The following TNXB variants were observed in gnomAD, a reference collection of about 807,000 sequenced individuals.
TNXB encodes the protein tenascin XB.
TNXB carries 183 observed loss-of-function variants against 340.5 expected under a neutral mutation model. The observed-to-expected ratio is 0.54, with a 90% CI of 0.48 to 0.61. TNXB has a LOEUF of 0.61. TNXB is among the 20% of genes least tolerant of loss of function. TNXB has a pLI of 0.00. For missense variants in TNXB, 4,613 were observed against 5,446.4 expected (o/e 0.85, Z 4.82); for synonymous variants, 2,121 against 2,314.5 (o/e 0.92, Z 2.40).
At position 32,089,347 on chromosome 6, in the gene TNXB, C is replaced by T. The variant is rs1248441762; in HGVS notation, c.2391G>A (p.Arg797=). Residue 797 remains arginine, a synonymous_variant, in exon 5 of 44, where the codon CGG becomes CGA. Transcript: ENST00000644971. This position sits in a 1 kb window ranked among gnomAD's most constrained non-coding sequence, Gnocchi z 6.2. The stretch of plus-strand genomic sequence containing the variant: ...CATAGGCTGAGGCAGAGCTTGGAAC[C>T]CGTGCTGTGAATGGGGGGCTCGCCC... ...TEGASPPFTA[R]VPSSASAYDQ... The T allele has an allele frequency of 6.2e-7, 1 of 1,608,352 alleles. No individual in the cohort carries two copies. The highest frequency in any genetic ancestry group is 1.7e-5 in the Admixed American group (1 of 59,892).
Position 32,084,419 on chromosome 6 carries a change from T to C in TNXB, c.3439A>G (p.Lys1147Glu). 6.3e-7 allele frequency: 1 copy of C among 1,587,358 alleles called. No individual in the cohort carries two copies. The highest frequency in any genetic ancestry group is 8.6e-7 in the Non-Finnish European group (1 of 1,163,668). The stretch of plus-strand genomic sequence containing the variant: ...TGTTACTGCTGTCACTCACAGATCT[T>C]GGCTTCAGCCACCAGCGGACCATGC... ...KRHGPLVAEA[K>E]ILPQSDPSPG... Residue 1147 changes from lysine to glutamate, a missense_variant, in exon 8 of 44, where the codon AAG (lysine) becomes GAG (glutamate). Lys to Glu is a moderately conservative substitution (Grantham distance 56). Coordinates refer to ENST00000644971, the MANE Select transcript of TNXB (RefSeq NM_001365276.2). This position sits in a 1 kb window ranked among gnomAD's most constrained non-coding sequence, Gnocchi z 5.5.
Position 32,047,892 on chromosome 6 carries a change from T to C in TNXB, c.10166A>G (p.Tyr3389Cys). 1 of 1,612,638 alleles carries C rather than the reference T, an allele frequency of 6.2e-7. No individual in the cohort carries two copies. The highest frequency in any genetic ancestry group is 8.5e-7 in the Non-Finnish European group (1 of 1,179,700). ...EGEFDSFVVQYKDKDGRLQVV... is the reference protein window; with the variant it reads ...EGEFDSFVVQCKDKDGRLQVV... ...CTGGAGCCGACCATCCTTATCCTTGTACTGGACCACGAAGGAGTCGAATTC... is the reference window on the plus strand; with the variant it reads ...CTGGAGCCGACCATCCTTATCCTTGCACTGGACCACGAAGGAGTCGAATTC... The change falls in exon 30 of 44, where the codon TAC becomes TGC. Residue 3389 changes from tyrosine to cysteine, a missense_variant. Physicochemically the swap from Tyr to Cys is radical, Grantham distance 194. This residue lies in a region of TNXB where 4,327 missense variants were observed against 4,859.4 expected (regional missense o/e 0.89). Coordinates refer to ENST00000644971, the MANE Select transcript of TNXB (RefSeq NM_001365276.2). The surrounding 1 kb of genome is among the most constrained non-coding windows in gnomAD (Gnocchi z 6.2).
In TNXB at chr6:32,071,970, T is replaced by C; in HGVS notation, c.4990+20A>G. On this transcript the variant is annotated intron_variant, in intron 13 of 43. Transcript: ENST00000644971. Reference sequence around the variant, plus strand: ...GGAAGGCTGTGGCCTCAGGCTCAGCTGTGTAGGGGCCCATCTCACCCGTCT... The same window carrying C: ...GGAAGGCTGTGGCCTCAGGCTCAGCCGTGTAGGGGCCCATCTCACCCGTCT... 1 of 1,570,300 alleles carries C rather than the reference T, an allele frequency of 6.4e-7. No homozygotes were observed.
At chr6:32,071,753 T>C (rs1464721207) in intron 13 of TNXB, among the ~76,000 whole-genome samples, 1 of 152,116 alleles carries the variant, frequency 6.6e-6, no homozygotes, top group East Asian at 1.9e-4. Flanking sequence ...ACCCAGCTAA[T>C]TTTTGTCTTT....
intron 24 of TNXB, among the ~76,000 whole-genome samples, chr6:32,055,576 A>G (rs1027780600): frequency 6.6e-6 from 1 of 152,116 alleles, no homozygotes. Context: ...TCTCTTCAAC[A>G]GATTTCAAAA....
chr6:32,069,271 A>C lies in TNXB; in HGVS notation c.5588-135T>G. 1 of 924,392 alleles carries C rather than the reference A, an allele frequency of 1.1e-6. No homozygotes were observed. The allele number at this position is 924,392 out of a possible 1,614,324, so 57.3% of individuals were successfully genotyped here. A position where few individuals can be genotyped will look rare whatever the true frequency, so the allele number is the denominator to read the frequency against. On this transcript the variant is annotated intron_variant, in intron 15 of 43. Coordinates refer to ENST00000644971, the MANE Select transcript of TNXB (RefSeq NM_001365276.2). The surrounding 1 kb of genome is among the most constrained non-coding windows in gnomAD (Gnocchi z 6.2). ...GACCAGCTTTTGCTGCACATGGGTG[A>C]ATTTCAAAAGCATTGTGCTAATTGC...
rs2127292917 is a variant in TNXB at position 32,097,138 on chromosome 6, A to T, written c.715T>A (p.Phe239Ile). The T allele has an allele frequency of 6.2e-7, 1 of 1,605,530 alleles. No individual in the cohort carries two copies. The highest frequency in any genetic ancestry group is 8.5e-7 in the Non-Finnish European group (1 of 1,176,416). ...CGCTGGCTGCAGTCGGGGCCTGAGA[A>T]GCCTGCCCGGCACACACACACGCCC... The part of the protein sequence containing the change: ...VQGVCVCRAG[F>I]SGPDCSQRSC... Residue 239 changes from phenylalanine (F) to isoleucine (I), a missense_variant, in exon 3 of 44, where the codon TTC becomes ATC. Phe to Ile is a conservative substitution (Grantham distance 21). Coordinates refer to ENST00000644971, the MANE Select transcript of TNXB (RefSeq NM_001365276.2). This position sits in a 1 kb window ranked among gnomAD's most constrained non-coding sequence, Gnocchi z 5.9.
rs1708363101 is a variant in TNXB, at chr6:32,055,981, C to A, written c.8337G>T (p.Val2779=). ...QYKDRDGRPQ[V]MRVRGEESEV... is the part of the protein sequence containing the mutation. ...CGCTCTCCTCGCCCCTGACACGCAT[C>A]ACCTGGGGCCGCCCGTCCCTGTCCT... Residue 2779 remains valine (V), a synonymous_variant, in exon 24 of 44, where the codon GTG becomes GTT. Transcript: ENST00000644971. The A allele has an allele frequency of 2.5e-6, 4 of 1,613,334 alleles. No individual in the cohort carries two copies. In the African/African-American group the frequency reaches 4.0e-5, roughly 16 times the overall value.
Position 32,049,870 on chromosome 6 carries a change from C to T in TNXB, c.9439+128G>A, listed in dbSNP as rs1777157735. 1.4e-6 allele frequency: 2 copies of T among 1,454,860 alleles called. No individual in the cohort carries two copies. The highest frequency in any genetic ancestry group is 9.4e-7 in the Non-Finnish European group (1 of 1,068,326). The allele number at this position is 1,454,860 out of a possible 1,614,324, so 90.1% of individuals were successfully genotyped here. ...CACATAGGAAGGCCCAAGGGGAGTCCCAGCCCCAGCCACAAGCAGTTCTGT... is the reference window on the plus strand; with the variant it reads ...CACATAGGAAGGCCCAAGGGGAGTCTCAGCCCCAGCCACAAGCAGTTCTGT... On this transcript the variant is annotated intron_variant, in intron 27 of 43. Transcript: ENST00000644971. The surrounding 1 kb of genome is among the most constrained non-coding windows in gnomAD (Gnocchi z 4.5).
At chr6:32,099,793 G>A (rs1386035084) in intron 1 of TNXB, among the ~76,000 whole-genome samples, 1 of 150,732 alleles carries the variant, frequency 6.6e-6, no homozygotes, top group Non-Finnish European at 1.5e-5. Flanking sequence ...TTATTTTAAA[G>A]GTGCAAGGAT....
At chr6:32,099,346 C>T (rs371766005) in intron 1 of TNXB, among the ~76,000 whole-genome samples, 1 of 151,830 alleles carries the variant, frequency 6.6e-6, no homozygotes, top group East Asian at 1.9e-4. Context: ...GATTTTCCTG[C>T]CTCGGCCTCC....
Position 32,056,119 on chromosome 6 carries a change from G to T in TNXB, c.8199C>A (p.Pro2733=). 6.2e-7 allele frequency: 1 copy of T among 1,612,672 alleles called. No homozygotes were observed. Among genetic ancestry groups the T allele is most frequent in the East Asian group, 2.2e-5 (1 of 44,884 alleles). Reference sequence around the variant, plus strand: ...GCTCCCCCAGGAGCGGCTCCTCAGGGGGCTCCGGGGCCTCAGTGCTGAGTT... The same window carrying T: ...GCTCCCCCAGGAGCGGCTCCTCAGGTGGCTCCGGGGCCTCAGTGCTGAGTT... ...PTELSTEAPE[P]PEEPLLGELT... is the part of the protein sequence containing the mutation. The change falls in exon 24 of 44, where the codon CCC becomes CCA. Residue 2733 remains proline, a synonymous_variant. Coordinates refer to ENST00000644971, the MANE Select transcript of TNXB (RefSeq NM_001365276.2).
Position 32,046,399 on chromosome 6 carries a change from G to A in TNXB, c.10382C>T (p.Thr3461Ile), listed in dbSNP as rs1776886478. 6.3e-7 allele frequency: 1 copy of A among 1,586,052 alleles called. No homozygotes were observed. Among genetic ancestry groups the A allele is most frequent in the Non-Finnish European group, 8.6e-7 (1 of 1,161,490 alleles). ...HLGELTVAEETSSSLRLSWTV... is the reference protein window; with the variant it reads ...HLGELTVAEEISSSLRLSWTV... Reference sequence around the variant, plus strand: ...CCAGGACAGGCGCAGAGAGCTGGAGGTCTCCTCAGCCACGGTCAGTTCCCC... The same window carrying A: ...CCAGGACAGGCGCAGAGAGCTGGAGATCTCCTCAGCCACGGTCAGTTCCCC... The change falls in exon 31 of 44, where the codon ACC becomes ATC. Residue 3461 changes from threonine to isoleucine, a missense_variant. Around this residue, in one of 7 missense-constraint regions of TNXB, gnomAD observed 4,327 missense variants for 4,859.4 expected, o/e 0.89. Transcript: ENST00000644971. The surrounding 1 kb of genome is among the most constrained non-coding windows in gnomAD (Gnocchi z 6.9).
chr6:32,066,393 CA>C (rs926866913), intron 18 of TNXB, among the ~76,000 whole-genome samples: 1 of 151,078 alleles, frequency 6.6e-6, no homozygotes, highest in African/African-American at 2.4e-5. Flanking sequence ...GAATTTGTCT[CA>C]AAAAAAATCA....
At position 32,047,891 on chromosome 6, in the gene TNXB, G is replaced by T; in HGVS notation, c.10167C>A (p.Tyr3389Ter). 6.2e-7 allele frequency: 1 copy of T among 1,612,684 alleles called. No homozygotes were observed. Among genetic ancestry groups the T allele is most frequent in the Non-Finnish European group, 8.5e-7 (1 of 1,179,716 alleles). ...EGEFDSFVVQYKDKDGRLQVV... is the reference protein window; with the variant it reads ...EGEFDSFVVQ ...CCTGGAGCCGACCATCCTTATCCTT[G>T]TACTGGACCACGAAGGAGTCGAATT... The change falls in exon 30 of 44, where the codon TAC (tyrosine) becomes TAA (stop). Residue 3389 changes from tyrosine to a stop codon, truncating the protein, a stop_gained. Transcript: ENST00000644971. LOFTEE classifies it high-confidence loss of function. The surrounding 1 kb of genome is among the most constrained non-coding windows in gnomAD (Gnocchi z 6.2).
intron 22 of TNXB, among the ~76,000 whole-genome samples, chr6:32,057,204 A>T (rs1396234166): frequency 6.6e-6 from 1 of 150,412 alleles, no homozygotes; most frequent in Non-Finnish European, 1.5e-5. Flanking sequence ...CTGGCCTCCC[A>T]GCACTGGGGT....
chr6:32,053,056 G>T, intron 25 of TNXB, 63 bp from the exon 26 acceptor site: 1 of 1,542,260 alleles, frequency 6.5e-7, no homozygotes, highest in Non-Finnish European at 8.8e-7. Context: ...GGTCTTGTGA[G>T]GAAGGAGAGC....
chr6:32,094,825 C>T (rs1309193315), intron 4 of TNXB, among the ~76,000 whole-genome samples: 2 of 152,196 alleles, frequency 1.3e-5, no homozygotes, highest in Non-Finnish European at 2.9e-5. Flanking sequence ...CAACAATGGA[C>T]TGGACAGCCT....
chr6:32,056,552 G>C (rs55772331), intron 23 of TNXB, 34 bp downstream of exon 23: 2 of 1,607,984 alleles, frequency 1.2e-6, no homozygotes, highest in Non-Finnish European at 1.7e-6. Context: ...ACCCTCCCAC[G>C]GCTCCCACCC....
Sources: gnomAD v4.1 joint callset for allele counts (sites outside exome capture counted in the v4.1 genomes callset) on GRCh38, gnomAD v4.1.1 for gene constraint, gnomAD v4.1.1 regional missense constraint, Gnocchi (gnomAD v3.1) non-coding constraint, MANE v1.5 for transcripts, NCBI Gene and HGNC (gene_info 2026-07-23, HGNC 2026-07-21) for gene names.